FGF13: variants seen among roughly 807,000 people sequenced by gnomAD.
The protein encoded by FGF13 is fibroblast growth factor homologous factor 2.
In FGF13, 2 loss-of-function variants were observed where a neutral mutation model predicts 19.5. The ratio of observed to expected loss-of-function variants is 0.10; its 90% CI spans 0.04 to 0.32. FGF13 has a LOEUF of 0.32. Among genes scored for constraint, FGF13 ranks in the 10% least tolerant of loss-of-function variants. FGF13 has a pLI of 1.00. For missense variants in FGF13, 113 were observed against 192.7 expected, an observed-to-expected ratio of 0.59 and a Z score of 2.45; for synonymous variants, 72 against 76.9, an observed-to-expected ratio of 0.94 and a Z score of 0.33.
At chrX:138,811,441 G>A (rs2090924207) in intron 3 of FGF13, among the ~76,000 whole-genome samples, 1 of 110,073 alleles carries the variant, frequency 9.1e-6, no homozygotes, top group Non-Finnish European at 1.9e-5. Context: ...ACCGGGGCCT[G>A]TTGTGGGGTG....
chrX:138,781,286 A>G (rs942428761), intron 3 of FGF13, among the ~76,000 whole-genome samples: 1 of 109,158 alleles, frequency 9.2e-6, no homozygotes, highest in Non-Finnish European at 1.9e-5. Context: ...CACATTCAAA[A>G]GCTAGCAGAA....
chrX:138,673,002 A>C (rs1017347340), intron 3 of FGF13, among the ~76,000 whole-genome samples: 1 of 111,386 alleles, frequency 9.0e-6, no homozygotes, highest in Non-Finnish European at 1.9e-5. Flanking sequence ...ACAAGACACC[A>C]TATTTGGGAA....
chrX:139,175,652 G>T (rs1490710911), intron 1 of FGF13, among the ~76,000 whole-genome samples: 4 of 111,963 alleles, frequency 3.6e-5, no homozygotes, highest in Non-Finnish European at 7.5e-5. Context: ...AATCTATTGA[G>T]ATAATCATGT....
chrX:139,062,991 T>C (rs187739762), intron 1 of FGF13, among the ~76,000 whole-genome samples: 5 of 112,185 alleles, frequency 4.5e-5, no homozygotes, highest in African/African-American at 1.6e-4. Flanking sequence ...CTTGTTCACC[T>C]TAATTTGTAT....
At chrX:138,994,079 T>C (rs1031979584) in intron 1 of FGF13, among the ~76,000 whole-genome samples, 4 of 111,954 alleles carry the variant, frequency 3.6e-5, no homozygotes, top group African/African-American at 9.8e-5. Flanking sequence ...TGTTGTCATT[T>C]TGTTTTAGTC....
At chrX:138,788,988 C>A (rs1023793624) in intron 3 of FGF13, among the ~76,000 whole-genome samples, 1 of 111,288 alleles carries the variant, frequency 9.0e-6, no homozygotes, top group Non-Finnish European at 1.9e-5. Context: ...ACAAGTTCCA[C>A]CTTCCACAAA....
intron 1 of FGF13, among the ~76,000 whole-genome samples, chrX:139,160,818 G>C (rs949545642): frequency 8.9e-6 from 1 of 111,846 alleles, no homozygotes; most frequent in Non-Finnish European, 1.9e-5. Flanking sequence ...TCCCTGAATA[G>C]ACCAATGACA....
At chrX:138,876,105 A>G (rs991025827) in intron 1 of FGF13, among the ~76,000 whole-genome samples, 1 of 111,726 alleles carries the variant, frequency 9.0e-6, no homozygotes, top group Non-Finnish European at 1.9e-5. Flanking sequence ...AAACACATAA[A>G]GGGACCACTT....
upstream of FGF13, chrX:138,715,752 G>GA (rs1432315425): frequency 1.1e-4 from 12 of 112,046 alleles, no homozygotes; most frequent in Non-Finnish European, 1.7e-4. Context: ...GGATTCCAAG[G>GA]AAAAAATGCA....
At chrX:139,141,413 A>G (rs1307110843) in intron 1 of FGF13, among the ~76,000 whole-genome samples, 1 of 112,187 alleles carries the variant, frequency 8.9e-6, no homozygotes, top group Non-Finnish European at 1.9e-5. Context: ...TGAAAATTGA[A>G]TCATGTCACC....
intron 3 of FGF13, among the ~76,000 whole-genome samples, chrX:138,673,316 A>G (rs2089632868): frequency 9.0e-6 from 1 of 111,361 alleles, no homozygotes; most frequent in African/African-American, 3.3e-5. Flanking sequence ...TTTGATTTGC[A>G]TAGGGCTCAG....
At chrX:139,037,935 A>G (rs1202273604) in intron 1 of FGF13, among the ~76,000 whole-genome samples, 1 of 111,329 alleles carries the variant, frequency 9.0e-6, no homozygotes, top group Non-Finnish European at 1.9e-5. Flanking sequence ...CCCTCTCCAC[A>G]TTCTGTGTGC....
At chrX:139,052,768 A>C (rs1046377455) in intron 1 of FGF13, among the ~76,000 whole-genome samples, 1 of 112,017 alleles carries the variant, frequency 8.9e-6, no homozygotes, top group Non-Finnish European at 1.9e-5. Flanking sequence ...TCCACCTCTT[A>C]GTAGCCATTG....
intron 2 of FGF13, among the ~76,000 whole-genome samples, chrX:138,858,755 T>TAA (rs745908329): frequency 4.7e-5 from 5 of 106,585 alleles, no homozygotes; most frequent in Admixed American, 1.0e-4. Flanking sequence ...GTGGTGTTTG[T>TAA]AAAAAAAAAA....
intron 1 of FGF13, among the ~76,000 whole-genome samples, chrX:139,110,256 CAT>C (rs1213786629): frequency 9.1e-6 from 1 of 109,604 alleles, no homozygotes; most frequent in African/African-American, 3.3e-5. Flanking sequence ...ATATATAAAA[CAT>C]AAAAAGATAT....
intron 1 of FGF13, among the ~76,000 whole-genome samples, chrX:138,952,922 G>A (rs1222917531): frequency 2.7e-5 from 3 of 110,517 alleles, no homozygotes; most frequent in Non-Finnish European, 5.7e-5. Context: ...AAAAAGTCAG[G>A]AAACAACAGG....
intron 3 of FGF13, among the ~76,000 whole-genome samples, chrX:138,834,328 C>A (rs1480577419): frequency 9.0e-6 from 1 of 111,263 alleles, no homozygotes; most frequent in Non-Finnish European, 1.9e-5. Context: ...ATTTCGGAAC[C>A]TGCTATTGGT....
At chrX:139,036,519 T>C (rs1413082789) in intron 1 of FGF13, among the ~76,000 whole-genome samples, 1 of 111,356 alleles carries the variant, frequency 9.0e-6, no homozygotes, top group Non-Finnish European at 1.9e-5. Context: ...AGCATAGAGC[T>C]TCTCTGGTTG....
At chrX:139,112,262 AGG>A (rs2083608120) in intron 1 of FGF13, among the ~76,000 whole-genome samples, 4 of 111,415 alleles carry the variant, frequency 3.6e-5, no homozygotes, top group African/African-American at 9.8e-5. Flanking sequence ...CTTACTTCAC[AGG>A]GCTGCTGTGA....
Sources: gnomAD v4.1 joint callset for allele counts (sites outside exome capture counted in the v4.1 genomes callset) on GRCh38, gnomAD v4.1.1 for gene constraint, MANE v1.5 for transcripts, NCBI Gene and HGNC (gene_info 2026-07-23, HGNC 2026-07-21) for gene names.